ZPBP: variants seen among roughly 807,000 people sequenced by gnomAD.
The protein encoded by ZPBP is zona pellucida-binding protein 1.
A neutral mutation model predicts 44.8 loss-of-function variants in ZPBP; 26 were observed. The ratio of observed to expected loss-of-function variants is 0.58; its 90% CI spans 0.43 to 0.81. The LOEUF is 0.81. Among genes scored for constraint, ZPBP ranks in the 30% least tolerant of loss-of-function variants. The pLI is 0.00. For synonymous variants in ZPBP, 174 were observed against 153.2 expected, an observed-to-expected ratio of 1.14 and a Z score of -1.00; for missense variants, 409 against 434.0, an observed-to-expected ratio of 0.94 and a Z score of 0.51.
intron 2 of ZPBP, among the ~76,000 whole-genome samples, chr7:49,863,955 T>A (rs1029851584): frequency 6.6e-6 from 1 of 152,198 alleles, no homozygotes. Flanking sequence ...TTTTAAAATA[T>A]TTTTTCTTTA....
At chr7:50,084,509 C>T (rs927847619) in intron 2 of ZPBP, among the ~76,000 whole-genome samples, 1 of 151,572 alleles carries the variant, frequency 6.6e-6, no homozygotes, top group Non-Finnish European at 1.5e-5. Flanking sequence ...ATGTAAAAGG[C>T]GAACGAGTTA....
chr7:49,891,808 G>A (rs991797657), intron 2 of ZPBP, among the ~76,000 whole-genome samples: 1 of 152,106 alleles, frequency 6.6e-6, no homozygotes, highest in East Asian at 1.9e-4. Context: ...GCTTATGGAA[G>A]AATGTTTTAC....
At chr7:50,025,532 G>C (rs1160316623) in intron 5 of ZPBP, among the ~76,000 whole-genome samples, 1 of 151,712 alleles carries the variant, frequency 6.6e-6, no homozygotes, top group Admixed American at 6.6e-5. Flanking sequence ...CAATTCAAGG[G>C]AGAAAATATA....
At chr7:49,970,294 C>G (rs1796245719) in intron 7 of ZPBP, among the ~76,000 whole-genome samples, 1 of 151,998 alleles carries the variant, frequency 6.6e-6, no homozygotes, top group Non-Finnish European at 1.5e-5. Flanking sequence ...GACAGAATTA[C>G]TGGGAGATAG....
chr7:49,971,527 A>G (rs902672749), intron 7 of ZPBP, among the ~76,000 whole-genome samples: 8 of 152,196 alleles, frequency 5.3e-5, no homozygotes, highest in Non-Finnish European at 7.4e-5. Flanking sequence ...TAAAAACTTT[A>G]TAGAAATATA....
chr7:49,852,601 G>A (rs948409463), intron 2 of ZPBP, among the ~76,000 whole-genome samples: 1 of 152,076 alleles, frequency 6.6e-6, no homozygotes, highest in East Asian at 1.9e-4. Context: ...TTTTTGAGAA[G>A]TGATGTTTGT....
chr7:49,857,464 G>C (rs116205809), intron 2 of ZPBP, among the ~76,000 whole-genome samples: 2,322 of 152,204 alleles, frequency 0.015, 61 homozygotes, highest in African/African-American at 0.053. Context: ...CATATCTTAG[G>C]TATTGTGAAT....
intron 7 of ZPBP, among the ~76,000 whole-genome samples, chr7:49,973,107 A>G (rs1351879847): frequency 1.3e-5 from 2 of 152,044 alleles, no homozygotes; most frequent in African/African-American, 4.8e-5. Context: ...TAAAACTTTA[A>G]AACTCTTAGA....
At chr7:50,053,114 A>T (rs1433268200) in intron 4 of ZPBP, among the ~76,000 whole-genome samples, 4 of 152,132 alleles carry the variant, frequency 2.6e-5, no homozygotes, top group Non-Finnish European at 5.9e-5. Flanking sequence ...TATGAATAAG[A>T]TCATATTTTA....
At chr7:49,941,245 A>C (rs1794872530) in intron 7 of ZPBP, among the ~76,000 whole-genome samples, 1 of 152,192 alleles carries the variant, frequency 6.6e-6, no homozygotes, top group Admixed American at 6.6e-5. Context: ...TCCTCAAAAA[A>C]TTAAAAATAG....
At chr7:49,955,703 GACT>G (rs1484173903) in intron 7 of ZPBP, among the ~76,000 whole-genome samples, 1 of 152,080 alleles carries the variant, frequency 6.6e-6, no homozygotes, top group East Asian at 1.9e-4. Flanking sequence ...TCTTTGAAAG[GACT>G]ACTACAATTG....
chr7:49,980,206 T>C (rs1255373479), intron 7 of ZPBP, among the ~76,000 whole-genome samples: 20 of 116,788 alleles, frequency 1.7e-4, no homozygotes, highest in African/African-American at 6.8e-4. Context: ...ATGTTATATG[T>C]TATATAATAT....
chr7:49,960,892 T>TA (rs35658975), intron 7 of ZPBP, among the ~76,000 whole-genome samples: 70,310 of 151,830 alleles, frequency 0.46, 16,547 homozygotes, highest in Non-Finnish European at 0.5. Context: ...TATTGCTGTA[T>TA]AACACAAGTT....
chr7:50,059,308 G>T (rs1237023460), intron 3 of ZPBP, among the ~76,000 whole-genome samples: 1 of 152,162 alleles, frequency 6.6e-6, no homozygotes, highest in African/African-American at 2.4e-5. Context: ...TTTACTGAGT[G>T]TCTAGTACAT....
intron 7 of ZPBP, among the ~76,000 whole-genome samples, chr7:49,955,534 G>A (rs952589148): frequency 2.7e-4 from 41 of 152,030 alleles, no homozygotes; most frequent in African/African-American, 9.7e-4. Context: ...TCCAGCCTGG[G>A]CAAGAGAGCG....
intron 6 of ZPBP, 44 bp from the exon 7 acceptor site, chr7:49,983,563 T>A (rs1413057368): frequency 7.7e-7 from 1 of 1,304,942 alleles, no homozygotes; most frequent in Admixed American, 2.1e-5. Context: ...CCATAAAAAA[T>A]GTAATTTTAG....
At chr7:49,872,720 A>G in intron 2 of ZPBP, among the ~76,000 whole-genome samples, 1 of 148,822 alleles carries the variant, frequency 6.7e-6, no homozygotes, top group Non-Finnish European at 1.5e-5. Flanking sequence ...AGCCTGGCCA[A>G]CATAGTGAAA....
At chr7:49,927,887 G>C (rs1360997499) in intron 1 of ZPBP, among the ~76,000 whole-genome samples, 2 of 152,134 alleles carry the variant, frequency 1.3e-5, no homozygotes, top group African/African-American at 4.8e-5. Context: ...TACAGATGGT[G>C]GTTTTGGCAG....
chr7:49,912,705 C>A (rs1793523494), intron 1 of ZPBP: 1 of 152,614 alleles, frequency 6.6e-6, no homozygotes. Context: ...ACAGACATAT[C>A]TCTAATGTTG....
Sources: gnomAD v4.1 joint callset for allele counts (sites outside exome capture counted in the v4.1 genomes callset) on GRCh38, gnomAD v4.1.1 for gene constraint, MANE v1.5 for transcripts, NCBI Gene and HGNC (gene_info 2026-07-23, HGNC 2026-07-21) for gene names.